Variants in SEMA3C observed in about 807,000 individuals in gnomAD.
The protein encoded by SEMA3C is semaphorin-3C.
A neutral mutation model predicts 89.4 loss-of-function variants in SEMA3C; 47 were observed. That is an observed-to-expected ratio of 0.53 (90% CI 0.42 to 0.67). The LOEUF (loss-of-function observed/expected upper bound fraction) is 0.67, where lower values mean the gene tolerates loss of function less well. SEMA3C is among the 30% of genes least tolerant of loss of function. The probability of loss-of-function intolerance (pLI) is 0.00; values close to 1 mark genes in which losing one functional copy is unlikely to be tolerated. For synonymous variants in SEMA3C, 310 were observed against 320.2 expected (o/e 0.97, Z 0.34); for missense variants, 839 against 929.1 (o/e 0.90, Z 1.26).
chr7:80,802,700 T>A lies in SEMA3C; in HGVS notation c.881A>T (p.Asp294Val), dbSNP rs554547111. The A allele has an allele frequency of 2.5e-6, 4 of 1,613,450 alleles. No individual in the cohort carries two copies. In the South Asian group the frequency reaches 4.4e-5, roughly 18 times the overall value. Residue 294 changes from aspartate (D) to valine (V), a missense_variant, in exon 9 of 18, where the codon GAT (aspartate) becomes GTT (valine). Asp to Val is a radical substitution (Grantham distance 152, BLOSUM62 -3). Transcript: ENST00000265361. ...AAAGTGTGTTTCTGGGCCGTCTTCA[T>A]CTGTTACCGAGCACACCAGCCTCGC... The part of the protein sequence containing the change: ...LKARLVCSVT[D>V]EDGPETHFDE...
chr7:80,842,624 G>A (rs968773555), intron 2 of SEMA3C, among the ~76,000 whole-genome samples: 4 of 152,102 alleles, frequency 2.6e-5, no homozygotes, highest in African/African-American at 9.7e-5. Context: ...CCTTTTTAAT[G>A]CAGAGGGAAG....
At position 80,908,370 on chromosome 7, in the gene SEMA3C, T is replaced by C. The variant is rs755733819; in HGVS notation, c.103+8309A>G. Among the ~76,000 whole-genome samples, 23 of 152,312 alleles carry C rather than the reference T, an allele frequency of 1.5e-4. No homozygotes were observed. The Middle Eastern group carries it at 0.014, about 90-fold the overall frequency. ...CACAGTTTGTACAAAGTTATGTCTA[T>C]TTACAAAAGAGAAAAGGTCTTTTCT... On this transcript the variant is annotated intron_variant, in intron 2 of 17. Transcript: ENST00000265361.
intron 2 of SEMA3C, among the ~76,000 whole-genome samples, chr7:80,866,596 G>C (rs574915556): frequency 1.3e-5 from 2 of 152,270 alleles, no homozygotes. Flanking sequence ...CTGCACTCCA[G>C]AAAGGTGCCA....
chr7:80,909,483 T>C (rs1792093478), intron 2 of SEMA3C, among the ~76,000 whole-genome samples: 1 of 152,188 alleles, frequency 6.6e-6, no homozygotes, highest in African/African-American at 2.4e-5. Flanking sequence ...GGTAGTAATT[T>C]AGAAATTAAT....
intron 17 of SEMA3C, among the ~76,000 whole-genome samples, chr7:80,748,649 A>G (rs937552169): frequency 6.6e-6 from 1 of 152,058 alleles, no homozygotes; most frequent in Non-Finnish European, 1.5e-5. Context: ...CATCAATACT[A>G]CCGTCTTAGC....
At chr7:80,879,935 C>T (rs1413294512) in intron 2 of SEMA3C, among the ~76,000 whole-genome samples, 1 of 152,092 alleles carries the variant, frequency 6.6e-6, no homozygotes, top group East Asian at 1.9e-4. Flanking sequence ...ATAGGAGACC[C>T]ATCACGGTAC....
At chr7:80,832,137 T>G (rs79563735) in intron 2 of SEMA3C, among the ~76,000 whole-genome samples, 2 of 152,098 alleles carry the variant, frequency 1.3e-5, no homozygotes, top group African/African-American at 4.8e-5. Flanking sequence ...AAGCAAAGCA[T>G]AGAGATGACT....
At chr7:80,834,760 G>C (rs982017589) in intron 2 of SEMA3C, among the ~76,000 whole-genome samples, 2 of 152,024 alleles carry the variant, frequency 1.3e-5, no homozygotes, top group African/African-American at 4.8e-5. Flanking sequence ...CAAAATCCAG[G>C]ATGCTCAAAT....
intron 12 of SEMA3C, among the ~76,000 whole-genome samples, chr7:80,768,822 ATG>A (rs1444728187): frequency 2.0e-5 from 3 of 152,122 alleles, no homozygotes; most frequent in Admixed American, 6.5e-5. Flanking sequence ...GACCACAGGC[ATG>A]TGTGTGCATA....
intron 2 of SEMA3C, among the ~76,000 whole-genome samples, chr7:80,852,819 C>T (rs1399777432): frequency 2.0e-5 from 3 of 151,812 alleles, no homozygotes; most frequent in African/African-American, 7.3e-5. Context: ...GCTGGGACTA[C>T]AGGTGCCCAC....
intron 4 of SEMA3C, among the ~76,000 whole-genome samples, chr7:80,823,070 C>T (rs1488091533): frequency 6.6e-6 from 1 of 152,170 alleles, no homozygotes; most frequent in Non-Finnish European, 1.5e-5. Flanking sequence ...TAACATTATA[C>T]AGCATATAAT....
chr7:80,805,393 T>C (rs572512673), intron 7 of SEMA3C, among the ~76,000 whole-genome samples: 1 of 152,252 alleles, frequency 6.6e-6, no homozygotes, highest in African/African-American at 2.4e-5. Context: ...CTGTCACTTT[T>C]ATTTATTCAT....
intron 4 of SEMA3C, among the ~76,000 whole-genome samples, chr7:80,821,659 A>G (rs1238532792): frequency 2.6e-5 from 4 of 152,020 alleles, no homozygotes; most frequent in South Asian, 2.1e-4. Context: ...ATAAGTTAAT[A>G]CTGATATAAC....
chr7:80,887,343 T>C (rs944116802), intron 2 of SEMA3C, among the ~76,000 whole-genome samples: 1 of 152,224 alleles, frequency 6.6e-6, no homozygotes, highest in Non-Finnish European at 1.5e-5. Context: ...GCACGATTTA[T>C]TGAAACTTTA....
chr7:80,816,742 G>T (rs764341156), intron 5 of SEMA3C, among the ~76,000 whole-genome samples: 2 of 152,134 alleles, frequency 1.3e-5, no homozygotes, highest in Non-Finnish European at 2.9e-5. Flanking sequence ...ATTCATTAAT[G>T]AAACTGCTTC....
intron 17 of SEMA3C, among the ~76,000 whole-genome samples, chr7:80,747,182 A>G (rs766208694): frequency 6.6e-6 from 1 of 152,084 alleles, no homozygotes; most frequent in Non-Finnish European, 1.5e-5. Flanking sequence ...TTACATTCTT[A>G]TGTTTTTGAG....
At chr7:80,921,811 T>A (rs1385045127), upstream of SEMA3C, among the ~76,000 whole-genome samples, 1 of 152,176 alleles carries the variant, frequency 6.6e-6, no homozygotes, top group African/African-American at 2.4e-5. Flanking sequence ...GGCATATTTT[T>A]AATATTTTAT....
chr7:80,743,905 T>C lies in SEMA3C; in HGVS notation c.*989A>G, dbSNP rs1301831064. On this transcript the variant is annotated 3_prime_UTR_variant, in exon 18 of 18. Transcript: ENST00000265361. ...CTGGTTTTAATAAAAGGAAGAATCA[T>C]TGAATTTGAGTACTGAAGTTGAAAA... 6.6e-6 allele frequency: 1 copy of C among 152,072 alleles called. No individual in the cohort carries two copies. The highest frequency in any genetic ancestry group is 1.5e-5 in the Non-Finnish European group (1 of 67,934). The allele number at this position is 152,072 out of a possible 1,614,324, so 9.4% of individuals were successfully genotyped here.
At chr7:80,906,473 G>A (rs1466187611) in intron 2 of SEMA3C, among the ~76,000 whole-genome samples, 3 of 152,004 alleles carry the variant, frequency 2.0e-5, no homozygotes, top group Non-Finnish European at 4.4e-5. Context: ...GGGCTCTGAA[G>A]CTTTCACCAT....
Sources: gnomAD v4.1 joint callset for allele counts (sites outside exome capture counted in the v4.1 genomes callset) on GRCh38, gnomAD v4.1.1 for gene constraint, MANE v1.5 for transcripts, NCBI Gene and HGNC (gene_info 2026-07-23, HGNC 2026-07-21) for gene names.